Variants in TTLL5 observed in about 807,000 individuals in gnomAD.
TTLL5 encodes tubulin polyglutamylase TTLL5.
TTLL5 carries 132 observed loss-of-function variants against 168.4 expected under a neutral mutation model. The ratio of observed to expected loss-of-function variants is 0.78; its 90% CI spans 0.68 to 0.91. The LOEUF (loss-of-function observed/expected upper bound fraction) is 0.91, where lower values mean the gene tolerates loss of function less well. Among genes scored for constraint, TTLL5 ranks in the 40% least tolerant of loss-of-function variants. The probability of loss-of-function intolerance (pLI) is 0.00; values close to 1 mark genes in which losing one functional copy is unlikely to be tolerated. For missense variants in TTLL5, 1,545 were observed against 1,581.5 expected (o/e 0.98, Z 0.39); for synonymous variants, 546 against 558.6 (o/e 0.98, Z 0.32).
intron 25 of TTLL5, 56 bp downstream of exon 25, chr14:75,782,629 A>G: frequency 1.4e-6 from 2 of 1,397,494 alleles, no homozygotes; most frequent in Non-Finnish European, 2.0e-6. Context: ...TCCTAAAAGA[A>G]GGAAATAGTC....
chr14:75,818,446 C>T (rs2140410546), intron 27 of TTLL5: 11 of 386,682 alleles, frequency 2.8e-5, no homozygotes, highest in South Asian at 2.0e-4. Context: ...ATTTTTTTTA[C>T]TTGAGATATT....
At chr14:75,669,625 A>G (rs142172842) in intron 3 of TTLL5, 103 bp downstream of exon 3, 10 of 843,808 alleles carry the variant, frequency 1.2e-5, no homozygotes, top group Middle Eastern at 2.8e-4. Flanking sequence ...GGCCTTGGCC[A>G]TGAGAAAAAT....
At chr14:75,932,110 AATATTCATAT>A (rs2034295664) in intron 31 of TTLL5, among the ~76,000 whole-genome samples, 1 of 152,216 alleles carries the variant, frequency 6.6e-6, no homozygotes. Flanking sequence ...TCAGCTATGC[AATATTCATAT>A]CTTGTAAATT....
chr14:75,872,296 CTG>C (rs2031100213), intron 29 of TTLL5, among the ~76,000 whole-genome samples: 1 of 152,102 alleles, frequency 6.6e-6, no homozygotes, highest in South Asian at 2.1e-4. Flanking sequence ...CTGGTGGAAA[CTG>C]GACACATTTC....
chr14:75,886,571 C>T, intron 30 of TTLL5: 1 of 1,107,324 alleles, frequency 9.0e-7, no homozygotes, highest in South Asian at 1.4e-5. Context: ...ACTTGTATTT[C>T]ATTTAGCTAA....
rs976612624 is a variant in TTLL5 at position 75,798,222 on chromosome 14, T to C, written c.3171+5122T>C. ...TCCGTCTCCTCTAGGTTTTCTAGTT[T>C]GTGCACGTAAAGGTGTTCATAGTAG... On this transcript the variant is annotated intron_variant, in intron 27 of 31. Coordinates refer to ENST00000298832, the MANE Select transcript of TTLL5 (RefSeq NM_015072.5). 2.0e-5 allele frequency among the ~76,000 whole-genome samples: 3 copies of C among 152,136 alleles called. No individual in the cohort carries two copies. The East Asian group carries it at 5.8e-4, about 29-fold the overall frequency.
chr14:75,915,264 A>C (rs2033574073), intron 31 of TTLL5, among the ~76,000 whole-genome samples: 1 of 152,164 alleles, frequency 6.6e-6, no homozygotes, highest in Admixed American at 6.5e-5. Flanking sequence ...CCACACTCTA[A>C]TCTGACAGGT....
intron 9 of TTLL5, among the ~76,000 whole-genome samples, chr14:75,707,975 A>C (rs1159881512): frequency 2.0e-5 from 3 of 152,218 alleles, no homozygotes; most frequent in African/African-American, 7.2e-5. Flanking sequence ...CCCAGCACTG[A>C]TCCAGGATCA....
intron 20 of TTLL5, among the ~76,000 whole-genome samples, chr14:75,771,387 C>T (rs1374533361): frequency 6.6e-6 from 1 of 152,064 alleles, no homozygotes; most frequent in Non-Finnish European, 1.5e-5. Flanking sequence ...GAGATTCCAC[C>T]ACTACACTGC....
chr14:75,798,068 T>C (rs767599903), intron 27 of TTLL5, among the ~76,000 whole-genome samples: 2 of 152,174 alleles, frequency 1.3e-5, no homozygotes, highest in Non-Finnish European at 2.9e-5. Context: ...TGAATCCATC[T>C]GGTCCTGGAC....
chr14:75,939,115 T>G (rs1410885953), intron 31 of TTLL5, among the ~76,000 whole-genome samples: 1 of 152,190 alleles, frequency 6.6e-6, no homozygotes, highest in Non-Finnish European at 1.5e-5. Context: ...TTCATTTGTT[T>G]TACCGTAGAG....
At chr14:75,941,295 C>T (rs749261848) in intron 31 of TTLL5, 1 of 152,222 alleles carries the variant, frequency 6.6e-6, no homozygotes, top group Non-Finnish European at 1.5e-5. Context: ...TTCATTCCAA[C>T]ATACTGGAGC....
At chr14:75,855,629 G>A (rs746149112) in intron 28 of TTLL5, among the ~76,000 whole-genome samples, 5 of 152,152 alleles carry the variant, frequency 3.3e-5, no homozygotes, top group Non-Finnish European at 5.9e-5. Context: ...CCAGAAGAGG[G>A]GAGCCTAAAT....
At chr14:75,690,579 T>C (rs568732340) in intron 6 of TTLL5, among the ~76,000 whole-genome samples, 1 of 152,254 alleles carries the variant, frequency 6.6e-6, no homozygotes, top group East Asian at 1.9e-4. Flanking sequence ...ATTTTTTGCT[T>C]GAATGTCCCT....
rs148626821 is a variant in TTLL5, at chr14:75,852,727, A to G, written c.3327-10940A>G. 3.9e-5 allele frequency among the ~76,000 whole-genome samples: 6 copies of G among 152,256 alleles called. No individual in the cohort carries two copies. In the East Asian group the frequency reaches 9.6e-4, roughly 24 times the overall value. On this transcript the variant is annotated intron_variant, in intron 28 of 31. Coordinates refer to ENST00000298832, the MANE Select transcript of TTLL5 (RefSeq NM_015072.5). Reference sequence around the variant, plus strand: ...TCACTTAAAAATCTTGTTCTAACACATAAATTCTCTAAGAATCAAAGCACT... The same window carrying G: ...TCACTTAAAAATCTTGTTCTAACACGTAAATTCTCTAAGAATCAAAGCACT...
chr14:75,882,589 T>G lies in TTLL5; in HGVS notation c.3523-96T>G. 3 of 1,131,742 alleles carry G rather than the reference T, an allele frequency of 2.7e-6. No individual in the cohort carries two copies. The East Asian group carries it at 7.4e-5, about 28-fold the overall frequency. 70.1% of individuals were successfully genotyped at this position (1,131,742 alleles called of 1,614,324 possible). Reference sequence around the variant, plus strand: ...AAAAAAATTAACAGTTGTCCTTTTCTTTTTGCCCCTTGACAGGATTACAGA... The same window carrying G: ...AAAAAAATTAACAGTTGTCCTTTTCGTTTTGCCCCTTGACAGGATTACAGA... On this transcript the variant is annotated intron_variant, in intron 29 of 31. Coordinates refer to ENST00000298832, the MANE Select transcript of TTLL5 (RefSeq NM_015072.5).
chr14:75,924,429 G>A (rs1041799430), intron 31 of TTLL5, among the ~76,000 whole-genome samples: 1 of 151,688 alleles, frequency 6.6e-6, no homozygotes, highest in Non-Finnish European at 1.5e-5. Context: ...AGGACCCTGC[G>A]GCCTTCCGCA....
intron 6 of TTLL5, among the ~76,000 whole-genome samples, chr14:75,690,595 C>A (rs1283620503): frequency 6.6e-6 from 1 of 151,838 alleles, no homozygotes; most frequent in Non-Finnish European, 1.5e-5. Context: ...TCCCTTCTCT[C>A]CATTGATGAC....
Position 75,863,970 on chromosome 14 carries a change from A to G in TTLL5, c.3522+108A>G. ...TGAGAAATGTAGGATTAGTTTTCCA[A>G]CCCCGTGCCATCCTGGCTTGGACAG... is the stretch of plus-strand genomic sequence containing the variant. On this transcript the variant is annotated intron_variant, in intron 29 of 31. Transcript: ENST00000298832. 3 of 1,188,388 alleles carry G rather than the reference A, an allele frequency of 2.5e-6. 1 individual carries two copies. The South Asian group carries it at 5.5e-5, about 22-fold the overall frequency. The allele number at this position is 1,188,388 out of a possible 1,614,324, so 73.6% of individuals were successfully genotyped here.
Sources: gnomAD v4.1 joint callset for allele counts (sites outside exome capture counted in the v4.1 genomes callset) on GRCh38, gnomAD v4.1.1 for gene constraint, MANE v1.5 for transcripts, NCBI Gene and HGNC (gene_info 2026-07-23, HGNC 2026-07-21) for gene names.